Variants in WTAP observed in about 807,000 individuals in gnomAD.
WTAP encodes pre-mRNA-splicing regulator WTAP.
WTAP carries 8 observed loss-of-function variants against 50.0 expected under a neutral mutation model. The ratio of observed to expected loss-of-function variants is 0.16; its 90% CI spans 0.09 to 0.29. The LOEUF is 0.29. Among genes scored for constraint, WTAP ranks in the 10% least tolerant of loss-of-function variants. WTAP has a pLI of 1.00. For synonymous variants in WTAP, 194 were observed against 169.0 expected, an observed-to-expected ratio of 1.15 and a Z score of -1.15; for missense variants, 295 against 470.7, an observed-to-expected ratio of 0.63 and a Z score of 3.45.
intron 2 of WTAP, among the ~76,000 whole-genome samples, chr6:159,737,368 A>T (rs1778985708): frequency 6.6e-6 from 1 of 152,190 alleles, no homozygotes; most frequent in Non-Finnish European, 1.5e-5. Context: ...ATGTTACATT[A>T]TAATAGTTCC....
intron 5 of WTAP, among the ~76,000 whole-genome samples, chr6:159,744,971 G>A (rs1016793693): frequency 2.0e-5 from 3 of 152,152 alleles, no homozygotes; most frequent in Non-Finnish European, 2.9e-5. Flanking sequence ...GTGAGCCATC[G>A]CACCTGGCCC....
At chr6:159,749,196 A>G in intron 6 of WTAP, 1 of 985,918 alleles carries the variant, frequency 1.0e-6, no homozygotes, top group East Asian at 1.1e-4. Context: ...AACTGTTTGA[A>G]GCATTATAAA....
chr6:159,740,177 A>G (rs975777627), intron 3 of WTAP, among the ~76,000 whole-genome samples: 1 of 151,556 alleles, frequency 6.6e-6, no homozygotes, highest in Non-Finnish European at 1.5e-5. Context: ...CTGGCATTGT[A>G]TACTTTTTTT....
At chr6:159,732,907 G>GTGTGTGTA (rs1778676950) in intron 1 of WTAP, among the ~76,000 whole-genome samples, 1 of 110,580 alleles carries the variant, frequency 9.0e-6, no homozygotes, top group African/African-American at 2.8e-5. Context: ...GTGTGTGTGT[G>GTGTGTGTA]TGTGTGTGTG....
Position 159,737,295 on chromosome 6 carries a change from C to T in WTAP, c.30+1000C>T, listed in dbSNP as rs372681959. Reference sequence around the variant, plus strand: ...AACTCCCGGGCTCAAGAGATAGCCACCTGCCTCTGCCTTCCAAAGTGCTGG... The same window carrying T: ...AACTCCCGGGCTCAAGAGATAGCCATCTGCCTCTGCCTTCCAAAGTGCTGG... On this transcript the variant is annotated intron_variant, in intron 2 of 7. Coordinates refer to ENST00000621533, the MANE Select transcript of WTAP (RefSeq NM_001270531.2). Among the ~76,000 whole-genome samples, 50 of 152,220 alleles carry T rather than the reference C, an allele frequency of 3.3e-4. 2 individuals carry two copies. In the South Asian group the frequency reaches 9.1e-3, roughly 28 times the overall value.
chr6:159,729,267 A>G (rs550874745), intron 1 of WTAP, among the ~76,000 whole-genome samples: 84 of 152,352 alleles, frequency 5.5e-4, no homozygotes, highest in African/African-American at 1.6e-3. Flanking sequence ...TAGGTCCTTC[A>G]GCAAAAGAAG....
At chr6:159,752,386 C>G (rs1415573862) in intron 6 of WTAP, among the ~76,000 whole-genome samples, 5 of 151,596 alleles carry the variant, frequency 3.3e-5, no homozygotes, top group Non-Finnish European at 7.4e-5. Flanking sequence ...ATTACAAGAA[C>G]AAGCAAATAA....
At chr6:159,752,931 C>CT (rs1459425398) in intron 6 of WTAP, among the ~76,000 whole-genome samples, 1 of 152,174 alleles carries the variant, frequency 6.6e-6, no homozygotes, top group Non-Finnish European at 1.5e-5. Context: ...GAGTTGGAGT[C>CT]TATGTTGCCC....
At chr6:159,743,990 CAA>C (rs1340677838) in intron 5 of WTAP, among the ~76,000 whole-genome samples, 198 bp downstream of exon 5, 1 of 151,602 alleles carries the variant, frequency 6.6e-6, no homozygotes, top group Non-Finnish European at 1.5e-5. Context: ...GCCAAGAAGG[CAA>C]AGTTTTAAGT....
At chr6:159,740,191 GCCT>G (rs1779167960) in intron 3 of WTAP, among the ~76,000 whole-genome samples, 2 of 151,140 alleles carry the variant, frequency 1.3e-5, no homozygotes, top group African/African-American at 4.9e-5. Flanking sequence ...TTTTTTTAAT[GCCT>G]TCTTACATAA....
At chr6:159,743,380 A>C (rs971700670) in intron 4 of WTAP, among the ~76,000 whole-genome samples, 3 of 152,252 alleles carry the variant, frequency 2.0e-5, no homozygotes, top group Non-Finnish European at 4.4e-5. Flanking sequence ...AAAACATACT[A>C]ATCAGGATTT....
intron 1 of WTAP, among the ~76,000 whole-genome samples, chr6:159,734,177 T>G (rs1583069839): frequency 1.3e-5 from 2 of 151,900 alleles, no homozygotes; most frequent in Non-Finnish European, 1.5e-5. Flanking sequence ...GTGTGTGTGT[T>G]TTGTTTGTTT....
In WTAP at chr6:159,755,317, C is replaced by T. The variant is rs765031923; in HGVS notation, c.897C>T (p.Thr299=). ...GSGFHREGNT[T]EDDFPSSPGN... ...GATTTCACAGGGAGGGCAACACAACCGAAGATGACTTTCCTTCTTCTCCAG... is the reference window on the plus strand; with the variant it reads ...GATTTCACAGGGAGGGCAACACAACTGAAGATGACTTTCCTTCTTCTCCAG... Residue 299 remains threonine, a synonymous_variant, in exon 8 of 8, where the codon ACC becomes ACT. Coordinates refer to ENST00000621533, the MANE Select transcript of WTAP (RefSeq NM_001270531.2). 2.2e-5 allele frequency: 35 copies of T among 1,614,206 alleles called. No homozygotes were observed. Among genetic ancestry groups the T allele is most frequent in the Middle Eastern group, 1.6e-4 (1 of 6,062 alleles).
At chr6:159,731,197 CACA>C (rs1778548465) in intron 1 of WTAP, among the ~76,000 whole-genome samples, 1 of 151,392 alleles carries the variant, frequency 6.6e-6, no homozygotes, top group African/African-American at 2.4e-5. Context: ...CATGGTGGCT[CACA>C]ACTGTAGTCC....
In WTAP at chr6:159,748,616, A is replaced by T; in HGVS notation, c.452+247A>T. On this transcript the variant is annotated intron_variant, in intron 6 of 7. Transcript: ENST00000621533. The surrounding 1 kb of genome is among the most constrained non-coding windows in gnomAD (Gnocchi z 5.6). ...GGCCTGATGGCGTCGGACTATTCCG[A>T]AGAAGTGGCCACCTCCGAAAAATTC... is the stretch of plus-strand genomic sequence containing the variant. The T allele has an allele frequency of 1.5e-6, 2 of 1,298,840 alleles. No homozygotes were observed. 80.5% of individuals were successfully genotyped at this position (1,298,840 alleles called of 1,614,324 possible).
At chr6:159,727,441 T>TGGGGC (rs1206755265), upstream of WTAP, 3 of 993,082 alleles carry the variant, frequency 3.0e-6, no homozygotes, top group South Asian at 1.9e-5. Context: ...GGACCGGCTG[T>TGGGGC]GGGGCGGGGC....
intron 6 of WTAP, among the ~76,000 whole-genome samples, chr6:159,750,220 A>G (rs1446145406): frequency 6.6e-6 from 1 of 152,236 alleles, no homozygotes; most frequent in African/African-American, 2.4e-5. Context: ...TTAAGTTCAC[A>G]GTAGAAATGG....
chr6:159,737,150 C>T (rs1237805516), intron 2 of WTAP, among the ~76,000 whole-genome samples: 1 of 152,058 alleles, frequency 6.6e-6, no homozygotes, highest in South Asian at 2.1e-4. Context: ...TGGGCTCAAG[C>T]GATCATCCCA....
intron 1 of WTAP, among the ~76,000 whole-genome samples, chr6:159,734,898 TTTTC>T (rs1469977338): frequency 6.6e-6 from 1 of 152,182 alleles, no homozygotes; most frequent in Non-Finnish European, 1.5e-5. Flanking sequence ...ATTACACATT[TTTTC>T]TTTGTCTTTT....
Sources: gnomAD v4.1 joint callset for allele counts (sites outside exome capture counted in the v4.1 genomes callset) on GRCh38, gnomAD v4.1.1 for gene constraint, Gnocchi (gnomAD v3.1) non-coding constraint, MANE v1.5 for transcripts, NCBI Gene and HGNC (gene_info 2026-07-23, HGNC 2026-07-21) for gene names.